The following MSH4 variants were observed in gnomAD, a reference collection of about 807,000 sequenced individuals.
The protein encoded by MSH4 is mutS homolog 4.
A neutral mutation model predicts 113.7 loss-of-function variants in MSH4; 106 were observed. That is an observed-to-expected ratio of 0.93 (90% CI 0.80 to 1.10). The LOEUF is 1.10. MSH4 is among the 50% of genes least tolerant of loss of function. MSH4 has a pLI of 0.00. For synonymous variants in MSH4, 368 were observed against 380.2 expected (o/e 0.97, Z 0.37); for missense variants, 1,061 against 1,093.7 (o/e 0.97, Z 0.42).
chr1:75,878,319 G>A lies in MSH4; in HGVS notation c.1540+1G>A. On this transcript the variant is annotated splice_donor_variant, in intron 11 of 19. Coordinates refer to ENST00000263187, the MANE Select transcript of MSH4 (RefSeq NM_002440.4). LOFTEE classifies it high-confidence loss of function. Reference sequence around the variant, plus strand: ...ACAGAGATTGTAGATGACATAGCAGGTAATTTCTTTATTTGATAATGTTTT... The same window carrying A: ...ACAGAGATTGTAGATGACATAGCAGATAATTTCTTTATTTGATAATGTTTT... 2 of 1,576,982 alleles carry A rather than the reference G, an allele frequency of 1.3e-6. No individual in the cohort carries two copies. The highest frequency in any genetic ancestry group is 1.2e-5 in the South Asian group (1 of 84,378).
At chr1:75,907,416 C>T (rs567578539) in intron 19 of MSH4, among the ~76,000 whole-genome samples, 2 of 151,826 alleles carry the variant, frequency 1.3e-5, no homozygotes, top group South Asian at 2.1e-4. Context: ...CTTCTTTTCT[C>T]TTGCTGCTTT....
chr1:75,850,394 T>C (rs996034244), intron 8 of MSH4, among the ~76,000 whole-genome samples: 5 of 152,138 alleles, frequency 3.3e-5, no homozygotes, highest in Middle Eastern at 3.2e-3. Flanking sequence ...TTCTAATTTC[T>C]TTTTAAACAT....
At chr1:75,819,073 G>T (rs1650352438) in intron 6 of MSH4, among the ~76,000 whole-genome samples, 1 of 151,422 alleles carries the variant, frequency 6.6e-6, no homozygotes, top group African/African-American at 2.4e-5. Flanking sequence ...GCCTGTTTTT[G>T]TTTTTTTTAG....
intron 9 of MSH4, among the ~76,000 whole-genome samples, chr1:75,867,884 A>T (rs1045295769): frequency 6.6e-6 from 1 of 152,136 alleles, no homozygotes; most frequent in African/African-American, 2.4e-5. Flanking sequence ...CAAATTCAGA[A>T]TAATTAATAC....
rs555323959 is a variant in MSH4 at position 75,841,209 on chromosome 1, C to G, written c.1163-7000C>G. Among the ~76,000 whole-genome samples, 5 of 132,276 alleles carry G rather than the reference C, an allele frequency of 3.8e-5. No individual in the cohort carries two copies. In the South Asian group the frequency reaches 1.4e-3, roughly 36 times the overall value. 86.8% of individuals were successfully genotyped at this position (132,276 alleles called of 152,430 possible). A position where few individuals can be genotyped will look rare whatever the true frequency, so the allele number is the denominator to read the frequency against. ...TTTCTCTTCTTTTTTTTTGTTCTCT[C>G]TCTCTTTCTTTCACAGGGTCTCACT... On this transcript the variant is annotated intron_variant, in intron 7 of 19. Coordinates refer to ENST00000263187, the MANE Select transcript of MSH4 (RefSeq NM_002440.4).
rs775341700 is a variant in MSH4, at chr1:75,806,975, T to C, written c.428-6T>C. The C allele has an allele frequency of 2.6e-6, 4 of 1,550,980 alleles. No individual in the cohort carries two copies. The highest frequency in any genetic ancestry group is 3.4e-6 in the Non-Finnish European group (4 of 1,159,722). On this transcript the variant is annotated splice_region_variant and splice_polypyrimidine_tract_variant and intron_variant, in intron 2 of 19. Transcript: ENST00000263187. The stretch of plus-strand genomic sequence containing the variant: ...TTATATCTTTTCTTTATTTAAAAAT[T>C]TACAGCTTCATCCTCATCTGCGATT...
intron 19 of MSH4, among the ~76,000 whole-genome samples, chr1:75,902,734 T>G (rs1306149832): frequency 1.5e-5 from 1 of 66,142 alleles, no homozygotes; most frequent in African/African-American, 5.9e-5. Context: ...TATATATATA[T>G]AGTTCTTTTA....
chr1:75,886,590 ATGTATTATATAT>A lies in MSH4; in HGVS notation c.2108-2659_2108-2648del. On this transcript the variant is annotated intron_variant, in intron 15 of 19. Transcript: ENST00000263187. The stretch of plus-strand genomic sequence containing the variant: ...TGCAAGTTATTATGTATAATATATA[ATGTATTATATAT>A]TATATAATGTATAATATATAAATAT... Among the ~76,000 whole-genome samples the A allele has an allele frequency of 2.4e-5, 3 of 124,582 alleles. No individual in the cohort carries two copies. In the South Asian group the frequency reaches 7.0e-4, roughly 29 times the overall value. 81.7% of individuals were successfully genotyped at this position (124,582 alleles called of 152,430 possible). A position where few individuals can be genotyped will look rare whatever the true frequency, so the allele number is the denominator to read the frequency against.
At chr1:75,817,496 T>C (rs1232639726) in intron 6 of MSH4, among the ~76,000 whole-genome samples, 1 of 152,244 alleles carries the variant, frequency 6.6e-6, no homozygotes, top group Admixed American at 6.5e-5. Context: ...CACTTTATCA[T>C]TGTCAAACAT....
At chr1:75,863,809 C>A (rs1472646632) in intron 8 of MSH4, among the ~76,000 whole-genome samples, 3 of 152,152 alleles carry the variant, frequency 2.0e-5, no homozygotes, top group Admixed American at 2.0e-4. Flanking sequence ...TCTTTTCTTT[C>A]TACCTTCCTG....
At position 75,877,001 on chromosome 1, in the gene MSH4, GTCTT is replaced by G; in HGVS notation, c.1370+3_1370+6del. 1.3e-6 allele frequency: 2 copies of G among 1,536,234 alleles called. No individual in the cohort carries two copies. The highest frequency in any genetic ancestry group is 1.8e-6 in the Non-Finnish European group (2 of 1,139,530). On this transcript the variant is annotated splice_donor_variant and splice_donor_5th_base_variant and intron_variant, in intron 10 of 19. Transcript: ENST00000263187. LOFTEE classifies it high-confidence loss of function. ...ACTATGGTTCCTTGGAAGACAAGAG[GTCTT>G]TGTCACTCAACCGTTAATAAAAAAT...
intron 7 of MSH4, among the ~76,000 whole-genome samples, chr1:75,840,233 G>A (rs1377777894): frequency 2.1e-5 from 3 of 140,128 alleles, no homozygotes; most frequent in Admixed American, 7.4e-5. Context: ...TGTTTATTGC[G>A]GCACTATTCA....
At chr1:75,816,317 A>G in intron 5 of MSH4, 56 bp from the exon 6 acceptor site, 1 of 1,172,274 alleles carries the variant, frequency 8.5e-7, no homozygotes, top group Non-Finnish European at 1.1e-6. Context: ...TTAAGGGGAA[A>G]TAGATAATTT....
intron 15 of MSH4, among the ~76,000 whole-genome samples, chr1:75,884,713 A>T (rs1461371325): frequency 6.6e-6 from 1 of 151,992 alleles, no homozygotes; most frequent in Admixed American, 6.6e-5. Context: ...CCTTGGTCTA[A>T]TGTAATGAAT....
chr1:75,902,595 G>A (rs1009761538), intron 19 of MSH4, among the ~76,000 whole-genome samples: 3 of 149,080 alleles, frequency 2.0e-5, no homozygotes, highest in African/African-American at 7.3e-5. Flanking sequence ...CTATTGGTGG[G>A]TGTTTAGGTT....
intron 14 of MSH4, among the ~76,000 whole-genome samples, chr1:75,882,417 C>A (rs1387364873): frequency 6.6e-6 from 1 of 151,646 alleles, no homozygotes; most frequent in Non-Finnish European, 1.5e-5. Context: ...ATGCTTTCAC[C>A]CTCTTCCTCC....
intron 19 of MSH4, among the ~76,000 whole-genome samples, chr1:75,904,031 T>C (rs560737746): frequency 6.6e-6 from 1 of 152,272 alleles, no homozygotes; most frequent in South Asian, 2.1e-4. Flanking sequence ...TGTTTTGAGG[T>C]GTGTTCCTTC....
chr1:75,908,939 C>T (rs1652729513), intron 19 of MSH4, among the ~76,000 whole-genome samples: 1 of 152,142 alleles, frequency 6.6e-6, no homozygotes, highest in Admixed American at 6.5e-5. Flanking sequence ...ACCCAGATGA[C>T]CTGTGGCATC....
chr1:75,878,998 T>C lies in MSH4; in HGVS notation c.1547T>C (p.Ile516Thr), dbSNP rs1163367813. Residue 516 changes from isoleucine to threonine, a missense_variant, in exon 12 of 20, where the codon ATA (isoleucine) becomes ACA (threonine). Coordinates refer to ENST00000263187, the MANE Select transcript of MSH4 (RefSeq NM_002440.4). The stretch of plus-strand genomic sequence containing the variant: ...TCTTGTTTCTGGTCACCAGGAATGA[T>C]ATCACAACTTGGAGAAAAATATAGT... ...TEIVDDIAGM[I>T]SQLGEKYSLP... 6.2e-7 allele frequency: 1 copy of C among 1,606,444 alleles called. No individual in the cohort carries two copies. The highest frequency in any genetic ancestry group is 8.5e-7 in the Non-Finnish European group (1 of 1,175,388).
Sources: gnomAD v4.1 joint callset for allele counts (sites outside exome capture counted in the v4.1 genomes callset) on GRCh38, gnomAD v4.1.1 for gene constraint, MANE v1.5 for transcripts, NCBI Gene and HGNC (gene_info 2026-07-23, HGNC 2026-07-21) for gene names.